CNBD1: variants seen among roughly 807,000 people sequenced by gnomAD.
The protein encoded by CNBD1 is cyclic nucleotide binding domain containing 1, also known as cyclic nucleotide-binding domain-containing protein 1.
In CNBD1, 71 loss-of-function variants were observed where a neutral mutation model predicts 54.4. The observed-to-expected ratio is 1.30, with a 90% confidence interval of 1.08 to 1.59. The LOEUF (loss-of-function observed/expected upper bound fraction) is 1.59, where lower values mean the gene tolerates loss of function less well. Ranked by LOEUF, CNBD1 falls within the 40% of genes most tolerant of loss-of-function variation. The pLI, the probability that CNBD1 is intolerant of heterozygous loss-of-function variation, is 0.00. For missense variants in CNBD1, 659 were observed against 518.0 expected (o/e 1.27, Z -2.64); for synonymous variants, 182 against 170.7 (o/e 1.07, Z -0.51).
chr8:87,242,128 C>T (rs1586357764), intron 6 of CNBD1, among the ~76,000 whole-genome samples: 1 of 152,142 alleles, frequency 6.6e-6, no homozygotes, highest in Non-Finnish European at 1.5e-5. Context: ...ACAAAACACT[C>T]TTTGTAGCCA....
intron 1 of CNBD1, among the ~76,000 whole-genome samples, chr8:86,884,184 C>T (rs898669377): frequency 1.1e-4 from 16 of 150,428 alleles, no homozygotes; most frequent in Non-Finnish European, 2.2e-4. Context: ...AACAAAAAAA[C>T]CTTGCCCCTT....
chr8:86,866,622 A>G (rs747176055), intron 1 of CNBD1, 39 bp downstream of exon 1: 15 of 1,461,298 alleles, frequency 1.0e-5, no homozygotes, highest in Non-Finnish European at 1.3e-5. Context: ...TTCACCTACC[A>G]TTGTTTTCAG....
chr8:87,092,409 ATGTGTGTGTATGTATGTATGTATG>A (rs1811225875), intron 4 of CNBD1, among the ~76,000 whole-genome samples: 1 of 118,904 alleles, frequency 8.4e-6, no homozygotes, highest in Non-Finnish European at 1.8e-5. Context: ...GTGTGTGTAT[ATGTGTGTGTATGTATGTATGTATG>A]TGTGTGTGTA....
chr8:87,043,403 T>G (rs1563447133), intron 4 of CNBD1, among the ~76,000 whole-genome samples: 1 of 152,212 alleles, frequency 6.6e-6, no homozygotes, highest in African/African-American at 2.4e-5. Flanking sequence ...TTGTATTAAT[T>G]TCTCCTTATA....
chr8:87,006,968 A>T (rs1809113861), intron 4 of CNBD1, among the ~76,000 whole-genome samples: 1 of 152,206 alleles, frequency 6.6e-6, no homozygotes, highest in Admixed American at 6.5e-5. Context: ...AGGCCAAGAT[A>T]GGTGGATCAC....
chr8:87,423,001 G>A (rs1563596592), intron 2 of CNBD1, among the ~76,000 whole-genome samples: 1 of 151,848 alleles, frequency 6.6e-6, no homozygotes, highest in Non-Finnish European at 1.5e-5. Context: ...TCCCTTGTAA[G>A]TTGGATTCCT....
At chr8:87,278,629 G>T (rs1250207042) in intron 6 of CNBD1, among the ~76,000 whole-genome samples, 2 of 151,498 alleles carry the variant, frequency 1.3e-5, no homozygotes, top group Non-Finnish European at 3.0e-5. Flanking sequence ...AGATCTCATT[G>T]CAAGCAAAGT....
chr8:86,887,192 T>A (rs1808692693), intron 1 of CNBD1, among the ~76,000 whole-genome samples: 2 of 152,164 alleles, frequency 1.3e-5, no homozygotes, highest in Non-Finnish European at 2.9e-5. Context: ...CGAATTGTCA[T>A]GTCTGAAGTT....
intron 4 of CNBD1, among the ~76,000 whole-genome samples, chr8:87,161,919 C>T (rs1812866007): frequency 6.6e-6 from 1 of 152,156 alleles, no homozygotes; most frequent in South Asian, 2.1e-4. Flanking sequence ...TTGCCTACTT[C>T]TTTTGCATGA....
chr8:87,360,935 G>A (rs1055602001), intron 10 of CNBD1, among the ~76,000 whole-genome samples: 2 of 151,754 alleles, frequency 1.3e-5, no homozygotes, highest in African/African-American at 2.4e-5. Flanking sequence ...CATTTCAGGG[G>A]CAATAAATAT....
chr8:86,981,533 A>G (rs1808488141), intron 4 of CNBD1, among the ~76,000 whole-genome samples: 1 of 152,206 alleles, frequency 6.6e-6, no homozygotes, highest in African/African-American at 2.4e-5. Context: ...GTACAATTAT[A>G]TAACCATCAC....
intron 4 of CNBD1, among the ~76,000 whole-genome samples, chr8:87,113,700 A>T (rs1811710529): frequency 6.6e-6 from 1 of 152,138 alleles, no homozygotes; most frequent in Admixed American, 6.5e-5. Flanking sequence ...CGGGCGGATC[A>T]TGAGGTCAGG....
At chr8:87,264,319 G>A (rs1299111614) in intron 6 of CNBD1, among the ~76,000 whole-genome samples, 1 of 152,116 alleles carries the variant, frequency 6.6e-6, no homozygotes, top group African/African-American at 2.4e-5. Flanking sequence ...CCCTACAAAG[G>A]ACATGAACTC....
chr8:87,319,882 C>A (rs1012667133), intron 8 of CNBD1, among the ~76,000 whole-genome samples: 8 of 151,916 alleles, frequency 5.3e-5, no homozygotes, highest in Admixed American at 2.6e-4. Context: ...TTATTTGATA[C>A]CCTTGCATTG....
intron 3 of CNBD1, among the ~76,000 whole-genome samples, chr8:86,930,883 A>T (rs2130403302): frequency 6.6e-6 from 1 of 152,260 alleles, no homozygotes; most frequent in East Asian, 1.9e-4. Context: ...CTTTGTAAGG[A>T]AAAGCGGTGG....
At chr8:87,422,470 T>C (rs1446780939) in intron 2 of CNBD1, among the ~76,000 whole-genome samples, 90 of 151,350 alleles carry the variant, frequency 5.9e-4, no homozygotes, top group Middle Eastern at 3.4e-3. Flanking sequence ...AGGAAGGGAT[T>C]CAGTTTCAGC....
chr8:86,893,550 G>T (rs1004404459), intron 2 of CNBD1, among the ~76,000 whole-genome samples: 6 of 152,056 alleles, frequency 3.9e-5, no homozygotes, highest in Non-Finnish European at 7.4e-5. Context: ...TTAACCTTCA[G>T]ATTTCCCTAG....
chr8:87,115,278 A>T (rs1811745545), intron 4 of CNBD1, among the ~76,000 whole-genome samples: 1 of 152,214 alleles, frequency 6.6e-6, no homozygotes, highest in East Asian at 1.9e-4. Flanking sequence ...TGCAGTACTT[A>T]TCACAATAAA....
At chr8:87,342,039 C>G (rs549907377) in intron 8 of CNBD1, among the ~76,000 whole-genome samples, 2 of 151,958 alleles carry the variant, frequency 1.3e-5, no homozygotes, top group South Asian at 4.1e-4. Context: ...TTTGGGAGGC[C>G]GAGGCGGGCA....
Sources: gnomAD v4.1 joint callset for allele counts (sites outside exome capture counted in the v4.1 genomes callset) on GRCh38, gnomAD v4.1.1 for gene constraint, MANE v1.5 for transcripts, NCBI Gene and HGNC (gene_info 2026-07-23, HGNC 2026-07-21) for gene names.